TLL1: variants seen among roughly 807,000 people sequenced by gnomAD.
The protein encoded by TLL1 is tolloid like 1.
TLL1 carries 49 observed loss-of-function variants against 128.2 expected under a neutral mutation model. The observed-to-expected ratio is 0.38, with a 90% CI of 0.30 to 0.48. The LOEUF is 0.48. Ranked by LOEUF, TLL1 falls within the 20% of genes least tolerant of loss-of-function variation. The pLI is 0.96. For synonymous variants in TLL1, 454 were observed against 418.8 expected (o/e 1.08, Z -1.03); for missense variants, 1,123 against 1,242.0 (o/e 0.90, Z 1.44).
At chr4:165,956,778 A>G (rs557099152) in intron 1 of TLL1, among the ~76,000 whole-genome samples, 1 of 152,230 alleles carries the variant, frequency 6.6e-6, no homozygotes, top group South Asian at 2.1e-4. Context: ...AAGAAATTAT[A>G]AAAGTATAAT....
intron 9 of TLL1, among the ~76,000 whole-genome samples, chr4:166,030,294 T>C (rs1410137902): frequency 6.6e-6 from 1 of 152,082 alleles, no homozygotes; most frequent in Non-Finnish European, 1.5e-5. Context: ...TTAATAGCCA[T>C]TTGTATATCG....
rs1735711200 is a variant in TLL1, at chr4:165,973,279, C to T, written c.170-16102C>T. ...TAGTGCAGCCTTTACCATCTTAAAG[C>T]ATGTTTACGTTGTCTTTCAGTCTTC... On this transcript the variant is annotated intron_variant, in intron 1 of 20. Transcript: ENST00000061240. Among the ~76,000 whole-genome samples, 3 of 152,010 alleles carry T rather than the reference C, an allele frequency of 2.0e-5. 1 individual carries two copies. The highest frequency in any genetic ancestry group is 1.9e-4 in the East Asian group (1 of 5,154).
chr4:165,966,416 T>C (rs1258992611), intron 1 of TLL1, among the ~76,000 whole-genome samples: 1 of 152,074 alleles, frequency 6.6e-6, no homozygotes, highest in Admixed American at 6.5e-5. Flanking sequence ...ACACATATGT[T>C]CCAGTGGCAA....
chr4:166,039,611 G>A (rs528409481), intron 10 of TLL1, among the ~76,000 whole-genome samples, 170 bp downstream of exon 10: 30 of 152,114 alleles, frequency 2.0e-4, no homozygotes, highest in African/African-American at 7.0e-4. Flanking sequence ...AAGACAAATG[G>A]ATAAATACAT....
chr4:166,027,136 G>C (rs2111072512), intron 9 of TLL1, among the ~76,000 whole-genome samples: 1 of 152,074 alleles, frequency 6.6e-6, no homozygotes, highest in East Asian at 1.9e-4. Context: ...ATCAATGCAG[G>C]GACAGAAATT....
At chr4:166,061,008 A>G (rs1283087098) in intron 15 of TLL1, among the ~76,000 whole-genome samples, 1 of 152,156 alleles carries the variant, frequency 6.6e-6, no homozygotes, top group Non-Finnish European at 1.5e-5. Context: ...TTAAATGAAC[A>G]TGATTTTTAT....
At chr4:166,087,249 A>G (rs1741565257) in intron 18 of TLL1, among the ~76,000 whole-genome samples, 1 of 152,178 alleles carries the variant, frequency 6.6e-6, no homozygotes. Context: ...GTTCTGCTAT[A>G]TAACATACAG....
intron 1 of TLL1, among the ~76,000 whole-genome samples, chr4:165,883,029 T>C (rs940250893): frequency 2.6e-5 from 4 of 152,008 alleles, no homozygotes; most frequent in African/African-American, 9.7e-5. Context: ...AAGATATTGA[T>C]TGTAGGATAT....
chr4:165,904,727 C>T (rs1379363065), intron 1 of TLL1, among the ~76,000 whole-genome samples: 2 of 152,270 alleles, frequency 1.3e-5, no homozygotes, highest in Middle Eastern at 3.4e-3. Context: ...ATGTGAGCCA[C>T]GGATTTAAGA....
intron 1 of TLL1, among the ~76,000 whole-genome samples, chr4:165,923,591 G>A (rs567625513): frequency 1.3e-5 from 2 of 151,288 alleles, no homozygotes; most frequent in South Asian, 2.1e-4. Context: ...CCACCACCAC[G>A]CTCCACTAAT....
At chr4:166,057,391 T>A in intron 14 of TLL1, 82 bp downstream of exon 14, 1 of 1,565,118 alleles carries the variant, frequency 6.4e-7, no homozygotes, top group Admixed American at 1.8e-5. Flanking sequence ...GTCTTCCTCT[T>A]TCTTTCCCTT....
chr4:166,016,292 A>G (rs900139567), intron 8 of TLL1, among the ~76,000 whole-genome samples: 1 of 152,078 alleles, frequency 6.6e-6, no homozygotes, highest in Non-Finnish European at 1.5e-5. Context: ...AACATTGGGC[A>G]TATACTTTTC....
intron 1 of TLL1, among the ~76,000 whole-genome samples, chr4:165,950,042 C>T (rs2110938108): frequency 6.6e-6 from 1 of 152,136 alleles, no homozygotes; most frequent in South Asian, 2.1e-4. Context: ...ACTTAACTAT[C>T]ATTATACTAT....
At chr4:166,032,208 G>T (rs1259371850) in intron 9 of TLL1, among the ~76,000 whole-genome samples, 1 of 151,908 alleles carries the variant, frequency 6.6e-6, no homozygotes, top group Non-Finnish European at 1.5e-5. Flanking sequence ...TTTACTGTGG[G>T]ACTAAAATAA....
intron 1 of TLL1, among the ~76,000 whole-genome samples, chr4:165,910,197 T>C (rs1732465825): frequency 6.6e-6 from 1 of 152,148 alleles, no homozygotes; most frequent in Non-Finnish European, 1.5e-5. Context: ...TCTGAGAACA[T>C]GACTTTCTTA....
intron 8 of TLL1, among the ~76,000 whole-genome samples, chr4:166,015,750 C>T (rs892100025): frequency 6.6e-6 from 1 of 151,778 alleles, no homozygotes; most frequent in Non-Finnish European, 1.5e-5. Context: ...TGTGATGGTA[C>T]GTAATTCATT....
At chr4:166,076,934 T>C (rs910925297) in intron 17 of TLL1, among the ~76,000 whole-genome samples, 2 of 152,198 alleles carry the variant, frequency 1.3e-5, no homozygotes, top group African/African-American at 4.8e-5. Flanking sequence ...GCAGGTGCAC[T>C]AACTAATGTT....
intron 1 of TLL1, among the ~76,000 whole-genome samples, chr4:165,954,787 A>G (rs1734699173): frequency 6.6e-6 from 1 of 152,172 alleles, no homozygotes; most frequent in Non-Finnish European, 1.5e-5. Flanking sequence ...TAAGGAATAT[A>G]GAAACAAAAA....
At chr4:166,076,950 T>C (rs1195719675) in intron 17 of TLL1, among the ~76,000 whole-genome samples, 1 of 152,196 alleles carries the variant, frequency 6.6e-6, no homozygotes, top group East Asian at 1.9e-4. Context: ...ATGTTGGGCA[T>C]GTTACCCTTG....
Sources: allele counts gnomAD v4.1 joint callset (sites outside exome capture counted in the v4.1 genomes callset), GRCh38; gene constraint gnomAD v4.1.1; transcripts MANE v1.5; gene names NCBI Gene and HGNC (gene_info 2026-07-23, HGNC 2026-07-21).